The following ATRNL1 variants were observed in gnomAD, a reference collection of about 807,000 sequenced individuals.
ATRNL1 encodes the protein attractin-like protein 1.
A neutral mutation model predicts 182.7 loss-of-function variants in ATRNL1; 95 were observed. The observed-to-expected ratio is 0.52, with a 90% confidence interval of 0.44 to 0.62. The LOEUF is 0.62. Among genes scored for constraint, ATRNL1 ranks in the 20% least tolerant of loss-of-function variants. The pLI, the probability that ATRNL1 is intolerant of heterozygous loss-of-function variation, is 0.00. For missense variants in ATRNL1, 1,471 were observed against 1,679.5 expected, an observed-to-expected ratio of 0.88 and a Z score of 2.17; for synonymous variants, 576 against 568.3, an observed-to-expected ratio of 1.01 and a Z score of -0.19.
intron 17 of ATRNL1, among the ~76,000 whole-genome samples, chr10:115,304,142 G>A (rs1853614730): frequency 6.6e-6 from 1 of 152,164 alleles, no homozygotes; most frequent in Non-Finnish European, 1.5e-5. Context: ...TCCTAGGAGT[G>A]TAGGCCATAA....
intron 25 of ATRNL1, among the ~76,000 whole-genome samples, chr10:115,520,527 T>A (rs1489584081): frequency 6.6e-6 from 1 of 152,172 alleles, no homozygotes; most frequent in Non-Finnish European, 1.5e-5. Flanking sequence ...AAACAGCTGG[T>A]GGATTGAATT....
At chr10:115,800,335 CTG>C (rs1261002381) in intron 27 of ATRNL1, among the ~76,000 whole-genome samples, 3 of 152,100 alleles carry the variant, frequency 2.0e-5, no homozygotes, top group Non-Finnish European at 4.4e-5. Flanking sequence ...ACATTCAAGC[CTG>C]TCTCACTCTA....
chr10:115,528,393 T>C (rs1256224413), intron 25 of ATRNL1, among the ~76,000 whole-genome samples: 3 of 152,132 alleles, frequency 2.0e-5, no homozygotes, highest in Non-Finnish European at 4.4e-5. Context: ...TCACCTAGCT[T>C]ATCCAATTTA....
At chr10:115,418,593 C>A (rs1845510499) in intron 20 of ATRNL1, among the ~76,000 whole-genome samples, 1 of 151,998 alleles carries the variant, frequency 6.6e-6, no homozygotes, top group Non-Finnish European at 1.5e-5. Flanking sequence ...CCAATTATAG[C>A]AAAGTCAAAG....
intron 28 of ATRNL1, among the ~76,000 whole-genome samples, chr10:115,869,161 T>G (rs1167558516): frequency 1.3e-5 from 2 of 152,130 alleles, no homozygotes; most frequent in African/African-American, 4.8e-5. Context: ...TGGCTTTTAT[T>G]TTTGGAATTA....
At chr10:115,340,288 A>C (rs1554937882) in intron 19 of ATRNL1, among the ~76,000 whole-genome samples, 1 of 151,908 alleles carries the variant, frequency 6.6e-6, no homozygotes, top group East Asian at 1.9e-4. Flanking sequence ...GACTGCAGGT[A>C]TGTGCCAACA....
chr10:115,635,643 A>G (rs1374402152), intron 26 of ATRNL1, among the ~76,000 whole-genome samples: 3 of 152,214 alleles, frequency 2.0e-5, no homozygotes, highest in African/African-American at 7.2e-5. Context: ...CATACCCAAT[A>G]GTAATGCAAA....
chr10:115,124,255 G>C (rs1220353242), intron 3 of ATRNL1, among the ~76,000 whole-genome samples: 1 of 151,822 alleles, frequency 6.6e-6, no homozygotes, highest in Non-Finnish European at 1.5e-5. Flanking sequence ...ACATATTTAG[G>C]GGTTCCTACT....
intron 28 of ATRNL1, among the ~76,000 whole-genome samples, chr10:115,891,497 G>T (rs1361419798): frequency 6.6e-6 from 1 of 152,146 alleles, no homozygotes; most frequent in Non-Finnish European, 1.5e-5. Context: ...ATTATATTGT[G>T]CATATATAAT....
intron 26 of ATRNL1, among the ~76,000 whole-genome samples, chr10:115,564,762 T>C (rs988601487): frequency 2.6e-5 from 4 of 151,980 alleles, no homozygotes; most frequent in Non-Finnish European, 5.9e-5. Flanking sequence ...TGTGTATAGT[T>C]TTCTGAAGTT....
At position 115,121,717 on chromosome 10, in the gene ATRNL1, A is replaced by C; in HGVS notation, c.396A>C (p.Arg132Ser). 6.5e-7 allele frequency: 1 copy of C among 1,543,572 alleles called. No individual in the cohort carries two copies. The highest frequency in any genetic ancestry group is 8.8e-7 in the Non-Finnish European group (1 of 1,138,678). The change falls in exon 3 of 29, where the codon AGA becomes AGC. Residue 132 changes from arginine to serine, a missense_variant. By Grantham distance (110) the Arg-to-Ser change is moderately radical. Around this residue, in one of 3 missense-constraint regions of ATRNL1, gnomAD observed 1,031 missense variants for 1,156.0 expected, o/e 0.89. Transcript: ENST00000355044. ...LIEGYPNAVL[R>S]LRFNHFATEC... ...TTTTCAGTCCAAATGCAGTGTTAAGATTAAGATTCAATCATTTTGCTACAG... is the reference window on the plus strand; with the variant it reads ...TTTTCAGTCCAAATGCAGTGTTAAGCTTAAGATTCAATCATTTTGCTACAG...
intron 7 of ATRNL1, among the ~76,000 whole-genome samples, chr10:115,167,889 A>G (rs578201965): frequency 7.9e-5 from 12 of 152,176 alleles, no homozygotes; most frequent in South Asian, 2.1e-4. Flanking sequence ...GCAACCATCT[A>G]TTGCAGATTT....
intron 26 of ATRNL1, among the ~76,000 whole-genome samples, chr10:115,623,241 C>T (rs1179483595): frequency 1.3e-5 from 2 of 151,946 alleles, no homozygotes; most frequent in African/African-American, 4.8e-5. Flanking sequence ...TATATGACAC[C>T]GAAAAGCAAG....
At chr10:115,283,099 T>C (rs1417878733) in intron 14 of ATRNL1, among the ~76,000 whole-genome samples, 3 of 152,008 alleles carry the variant, frequency 2.0e-5, no homozygotes, top group Admixed American at 1.3e-4. Flanking sequence ...GTGATAAAAA[T>C]CAAAATTATT....
intron 5 of ATRNL1, among the ~76,000 whole-genome samples, chr10:115,140,990 C>T (rs1331458972): frequency 1.3e-5 from 2 of 152,066 alleles, no homozygotes; most frequent in Non-Finnish European, 2.9e-5. Context: ...GTCAGATCCC[C>T]CTGTAATATG....
At chr10:115,227,017 G>A (rs1849727427) in intron 9 of ATRNL1, among the ~76,000 whole-genome samples, 1 of 151,984 alleles carries the variant, frequency 6.6e-6, no homozygotes, top group Non-Finnish European at 1.5e-5. Context: ...CATTGGCCTT[G>A]ATAATTTTTG....
At chr10:115,211,244 CTT>C (rs879993228) in intron 8 of ATRNL1, among the ~76,000 whole-genome samples, 7 of 138,972 alleles carry the variant, frequency 5.0e-5, no homozygotes, top group Admixed American at 7.2e-5. Context: ...ATGACAAATT[CTT>C]TTTTTTTTTT....
chr10:115,346,757 G>T (rs554592550), intron 19 of ATRNL1, among the ~76,000 whole-genome samples: 1 of 151,746 alleles, frequency 6.6e-6, no homozygotes, highest in Non-Finnish European at 1.5e-5. Context: ...AATTGAAAAA[G>T]TTCTATATAT....
intron 26 of ATRNL1, among the ~76,000 whole-genome samples, chr10:115,556,024 G>A (rs1237164823): frequency 2.0e-5 from 3 of 151,956 alleles, no homozygotes; most frequent in Non-Finnish European, 4.4e-5. Context: ...AACCAAGTCT[G>A]TCAGACCGAA....
Sources: gnomAD v4.1 joint callset for allele counts (sites outside exome capture counted in the v4.1 genomes callset) on GRCh38, gnomAD v4.1.1 for gene constraint, gnomAD v4.1.1 regional missense constraint, MANE v1.5 for transcripts, NCBI Gene and HGNC (gene_info 2026-07-23, HGNC 2026-07-21) for gene names.